Variants in LY6S observed in about 807,000 individuals in gnomAD.
LY6S encodes the protein lymphocyte antigen 6 family member S.
At chr8:143,072,274 C>A in the LY6S span, among the ~76,000 whole-genome samples, 1 of 128,704 alleles carries the variant, frequency 7.8e-6, no homozygotes, top group Non-Finnish European at 1.7e-5. Flanking sequence ...CAGCCGTCGT[C>A]CCCGGGGTTC....
the LY6S span, chr8:143,044,564 C>A: frequency 2.6e-6 from 2 of 777,336 alleles, no homozygotes; most frequent in Non-Finnish European, 3.4e-6. Flanking sequence ...TCAGGAGCCA[C>A]AGACCGGCCC....
At chr8:143,041,032 G>A in the LY6S span, among the ~76,000 whole-genome samples, 10 of 152,316 alleles carry the variant, frequency 6.6e-5, no homozygotes, top group East Asian at 3.9e-4. Flanking sequence ...GAGGCAGGGC[G>A]AGATCACAGG....
chr8:143,051,412 G>C, the LY6S span, among the ~76,000 whole-genome samples: 1 of 151,900 alleles, frequency 6.6e-6, no homozygotes, highest in Non-Finnish European at 1.5e-5. Flanking sequence ...GTGATGGCAT[G>C]CACCCGTAAT....
At chr8:143,064,760 A>G in the LY6S span, among the ~76,000 whole-genome samples, 3 of 152,358 alleles carry the variant, frequency 2.0e-5, no homozygotes, top group African/African-American at 7.2e-5. Flanking sequence ...GGTTAGCTAC[A>G]GTGGAATGTA....
At chr8:143,063,226 G>A in the LY6S span, among the ~76,000 whole-genome samples, 1 of 152,210 alleles carries the variant, frequency 6.6e-6, no homozygotes, top group Non-Finnish European at 1.5e-5. Flanking sequence ...TAATTTCATA[G>A]GGACTTAACC....
chr8:143,069,460 G>A, the LY6S span, among the ~76,000 whole-genome samples: 2 of 152,136 alleles, frequency 1.3e-5, no homozygotes, highest in African/African-American at 2.4e-5. Context: ...AGTGCCGCAG[G>A]CTAATCTTGA....
the LY6S span, among the ~76,000 whole-genome samples, chr8:143,069,228 T>C: frequency 1.3e-5 from 2 of 152,232 alleles, no homozygotes; most frequent in Non-Finnish European, 2.9e-5. Context: ...TCCAGACGCT[T>C]CCGCAGTGAG....
chr8:143,049,574 G>C, the LY6S span, among the ~76,000 whole-genome samples: 1 of 152,210 alleles, frequency 6.6e-6, no homozygotes, highest in African/African-American at 2.4e-5. Flanking sequence ...TTATTAAAGG[G>C]AAGGGACTCC....
the LY6S span, among the ~76,000 whole-genome samples, chr8:143,073,432 T>C: frequency 2.4e-3 from 174 of 71,960 alleles, 1 homozygote; most frequent in African/African-American, 4.5e-3. Context: ...GCCGTCGTCC[T>C]CGGGGTTCCT....
chr8:143,042,881 G>A, the LY6S span: 8 of 597,696 alleles, frequency 1.3e-5, no homozygotes, highest in East Asian at 3.9e-4. Flanking sequence ...GAAAAAAGTG[G>A]TGTTGTTGGG....
At chr8:143,043,711 T>C in the LY6S span, among the ~76,000 whole-genome samples, 1 of 152,006 alleles carries the variant, frequency 6.6e-6, no homozygotes, top group Non-Finnish European at 1.5e-5. Context: ...GTTTTGCTCT[T>C]GTGGCCCAGG....
chr8:143,044,435 C>T, the LY6S span, among the ~76,000 whole-genome samples: 14,403 of 152,054 alleles, frequency 0.095, 945 homozygotes, highest in Middle Eastern at 0.2. Flanking sequence ...ATCCCCTGTC[C>T]CTGCAGACCC....
the LY6S span, among the ~76,000 whole-genome samples, chr8:143,070,398 TA>T: frequency 1.8e-3 from 234 of 132,458 alleles, 2 homozygotes; most frequent in African/African-American, 6.8e-3. Flanking sequence ...TATTTATATA[TA>T]TTTTTTATTT....
chr8:143,044,242 C>T, the LY6S span: 982 of 456,216 alleles, frequency 2.2e-3, 3 homozygotes, highest in Middle Eastern at 7.8e-3. Flanking sequence ...CTGGTGAGAC[C>T]CGCGGCATGA....
the LY6S span, among the ~76,000 whole-genome samples, chr8:143,048,695 G>T: frequency 6.6e-6 from 1 of 151,960 alleles, no homozygotes; most frequent in East Asian, 1.9e-4. Context: ...GTCTCGAACT[G>T]CTGACCTCAA....
chr8:143,057,722 G>T, the LY6S span: 1 of 794,418 alleles, frequency 1.3e-6, no homozygotes, highest in Non-Finnish European at 2.3e-6. Flanking sequence ...GACCTCAAAG[G>T]GCACATTCAG....
At chr8:143,066,066 T>A in the LY6S span, 3 of 398,770 alleles carry the variant, frequency 7.5e-6, no homozygotes, top group Non-Finnish European at 1.4e-5. Flanking sequence ...CACATACAGC[T>A]TGGGAAGCAC....
the LY6S span, among the ~76,000 whole-genome samples, chr8:143,045,002 C>G: frequency 6.6e-6 from 1 of 152,204 alleles, no homozygotes; most frequent in Admixed American, 6.5e-5. The surrounding 1 kb of genome is among the most constrained non-coding windows in gnomAD (Gnocchi z 5.3). Flanking sequence ...CCAACACCAC[C>G]TCTTTGTCCA....
At chr8:143,069,389 C>T in the LY6S span, among the ~76,000 whole-genome samples, 1 of 152,318 alleles carries the variant, frequency 6.6e-6, no homozygotes, top group South Asian at 2.1e-4. Flanking sequence ...CTCCCTTTCT[C>T]ACCGTAAATA....
Sources: gnomAD v4.1 joint callset for allele counts (sites outside exome capture counted in the v4.1 genomes callset) on GRCh38, gnomAD v4.1.1 for gene constraint, Gnocchi (gnomAD v3.1) non-coding constraint, MANE v1.5 for transcripts, NCBI Gene and HGNC (gene_info 2026-07-23, HGNC 2026-07-21) for gene names.